The following WASF1 variants were observed in gnomAD, a reference collection of about 807,000 sequenced individuals.
The protein encoded by WASF1 is WASP family member 1.
A neutral mutation model predicts 50.5 loss-of-function variants in WASF1; 7 were observed. The observed-to-expected ratio is 0.14, with a 90% CI of 0.08 to 0.26. WASF1 has a LOEUF of 0.26. Among genes scored for constraint, WASF1 ranks in the 10% least tolerant of loss-of-function variants. WASF1 has a pLI of 1.00. For missense variants in WASF1, 470 were observed against 694.7 expected, an observed-to-expected ratio of 0.68 and a Z score of 3.64; for synonymous variants, 205 against 244.0, an observed-to-expected ratio of 0.84 and a Z score of 1.49.
chr6:110,143,741 GATTA>G (rs1775383451), intron 3 of WASF1, among the ~76,000 whole-genome samples: 1 of 152,084 alleles, frequency 6.6e-6, no homozygotes, highest in African/African-American at 2.4e-5. Flanking sequence ...AATGACAAGT[GATTA>G]ATTCTTTACA....
At chr6:110,169,985 C>T (rs931027762) in intron 2 of WASF1, among the ~76,000 whole-genome samples, 2 of 151,882 alleles carry the variant, frequency 1.3e-5, no homozygotes, top group Non-Finnish European at 2.9e-5. Flanking sequence ...TGCAGAAAAC[C>T]AAAGACAAAG....
intron 4 of WASF1, among the ~76,000 whole-genome samples, chr6:110,118,192 G>C (rs1326086856): frequency 6.6e-6 from 1 of 151,680 alleles, no homozygotes; most frequent in South Asian, 2.1e-4. Context: ...TGGGCTAAAT[G>C]CTCCAATTAA....
chr6:110,142,822 A>G (rs927884752), intron 3 of WASF1, among the ~76,000 whole-genome samples: 2 of 151,982 alleles, frequency 1.3e-5, no homozygotes, highest in African/African-American at 4.8e-5. Flanking sequence ...AACTTGCTTA[A>G]TAAGGGGGAA....
chr6:110,160,559 C>G (rs1440834649), intron 3 of WASF1, 76 bp downstream of exon 3: 1 of 151,660 alleles, frequency 6.6e-6, no homozygotes, highest in African/African-American at 2.4e-5. Context: ...ACTTTTGAAG[C>G]AGAAATGAGA....
intron 2 of WASF1, among the ~76,000 whole-genome samples, chr6:110,177,939 T>C (rs1475964760): frequency 2.0e-5 from 3 of 147,682 alleles, no homozygotes; most frequent in Non-Finnish European, 4.4e-5. Context: ...TGGTTTCTTA[T>C]ATTTGCAAAA....
intron 6 of WASF1, 91 bp downstream of exon 6, chr6:110,108,437 A>T: frequency 7.5e-7 from 1 of 1,341,064 alleles, no homozygotes; most frequent in Non-Finnish European, 1.0e-6. Context: ...GTTGGCTAGA[A>T]CCCCAATGAA....
At chr6:110,159,884 CG>C (rs1199266672) in intron 3 of WASF1, among the ~76,000 whole-genome samples, 2 of 151,750 alleles carry the variant, frequency 1.3e-5, no homozygotes, top group Non-Finnish European at 2.9e-5. Context: ...CAAAATGTTT[CG>C]GATTTTGGAA....
chr6:110,104,609 TGA>T (rs1164098799), intron 8 of WASF1, among the ~76,000 whole-genome samples: 4 of 152,112 alleles, frequency 2.6e-5, no homozygotes, highest in Admixed American at 2.6e-4. Context: ...GCCAACATGG[TGA>T]GACCCCATCT....
chr6:110,158,520 T>C (rs1246320806), intron 3 of WASF1, among the ~76,000 whole-genome samples: 1 of 130,924 alleles, frequency 7.6e-6, no homozygotes, highest in Non-Finnish European at 1.6e-5. Flanking sequence ...CCTGGATTCA[T>C]TGATTTTTTG....
At chr6:110,133,166 A>G (rs1774772978) in intron 3 of WASF1, among the ~76,000 whole-genome samples, 1 of 152,052 alleles carries the variant, frequency 6.6e-6, no homozygotes, top group African/African-American at 2.4e-5. Flanking sequence ...GGCTGGTTCC[A>G]TATTTTTGCA....
intron 3 of WASF1, among the ~76,000 whole-genome samples, chr6:110,154,664 T>A (rs1354089844): frequency 1.3e-5 from 2 of 152,088 alleles, no homozygotes; most frequent in Non-Finnish European, 2.9e-5. Flanking sequence ...AAATTAACTA[T>A]CCTAACTATA....
chr6:110,160,162 A>G (rs763816498), intron 3 of WASF1, among the ~76,000 whole-genome samples: 2 of 151,930 alleles, frequency 1.3e-5, no homozygotes, highest in Non-Finnish European at 2.9e-5. Flanking sequence ...AAAACAGTAT[A>G]GTAAGAAAAA....
chr6:110,100,720 C>A, intron 10 of WASF1, 41 bp from the exon 11 acceptor site: 1 of 1,474,648 alleles, frequency 6.8e-7, no homozygotes, highest in Non-Finnish European at 9.1e-7. Context: ...AATCAAAATA[C>A]TAGATACTAG....
intron 4 of WASF1, among the ~76,000 whole-genome samples, chr6:110,122,044 G>A (rs1025922376): frequency 6.6e-6 from 1 of 151,904 alleles, no homozygotes; most frequent in Non-Finnish European, 1.5e-5. Context: ...GAGGGTCGGG[G>A]GCTGGGGGAG....
intron 2 of WASF1, among the ~76,000 whole-genome samples, chr6:110,177,777 T>C (rs1013976580): frequency 8.5e-5 from 13 of 152,116 alleles, no homozygotes; most frequent in African/African-American, 2.9e-4. Context: ...TGTGATTCTC[T>C]TTTATCAAAA....
At chr6:110,112,777 G>A (rs1053238372) in intron 5 of WASF1, among the ~76,000 whole-genome samples, 9 of 151,714 alleles carry the variant, frequency 5.9e-5, no homozygotes, top group Admixed American at 5.9e-4. Context: ...GCAGACACCT[G>A]TAATCCCAGC....
Position 110,106,258 on chromosome 6 carries a change from G to T in WASF1, c.541-679C>A, listed in dbSNP as rs9400364. The stretch of plus-strand genomic sequence containing the variant: ...AGACATGTCCATCTCAGGCACTCTA[G>T]TTCCAAAATTTAAAAACCTCTGTGT... On this transcript the variant is annotated intron_variant, in intron 7 of 10. Coordinates refer to ENST00000392589, the MANE Select transcript of WASF1 (RefSeq NM_003931.3). Among the ~76,000 whole-genome samples, 762 of 152,328 alleles carry T rather than the reference G, an allele frequency of 5.0e-3. 14 individuals carry two copies. Among genetic ancestry groups the T allele is most frequent in the East Asian group, 0.035 (181 of 5,184 alleles).
intron 4 of WASF1, among the ~76,000 whole-genome samples, chr6:110,115,209 GAA>G (rs752070822): frequency 7.2e-6 from 1 of 139,152 alleles, no homozygotes. Flanking sequence ...TCCTATTCCA[GAA>G]AAAAAAAAAA....
chr6:110,135,290 G>T (rs1774895625), intron 3 of WASF1, among the ~76,000 whole-genome samples: 1 of 151,756 alleles, frequency 6.6e-6, no homozygotes, highest in Non-Finnish European at 1.5e-5. Flanking sequence ...GGTTTTCTAG[G>T]TATATGATCA....
Sources: gnomAD v4.1 joint callset for allele counts (sites outside exome capture counted in the v4.1 genomes callset) on GRCh38, gnomAD v4.1.1 for gene constraint, MANE v1.5 for transcripts, NCBI Gene and HGNC (gene_info 2026-07-23, HGNC 2026-07-21) for gene names.